Variants in RSRC1 observed in about 807,000 individuals in gnomAD.
The protein encoded by RSRC1 is arginine and serine rich coiled-coil 1, also known as serine/Arginine-related protein 53.
A neutral mutation model predicts 49.1 loss-of-function variants in RSRC1; 39 were observed. That is an observed-to-expected ratio of 0.79 (90% CI 0.61 to 1.04). The LOEUF (loss-of-function observed/expected upper bound fraction) is 1.04, where lower values mean the gene tolerates loss of function less well. RSRC1 is among the 50% of genes least tolerant of loss of function. The probability of loss-of-function intolerance (pLI) is 0.00; values close to 1 mark genes in which losing one functional copy is unlikely to be tolerated. For synonymous variants in RSRC1, 143 were observed against 130.8 expected (o/e 1.09, Z -0.63); for missense variants, 388 against 402.4 (o/e 0.96, Z 0.31).
intron 6 of RSRC1, among the ~76,000 whole-genome samples, chr3:158,424,717 T>C (rs1176018326): frequency 1.3e-5 from 2 of 152,064 alleles, no homozygotes; most frequent in Non-Finnish European, 2.9e-5. Flanking sequence ...CCTGGACCCT[T>C]TTTGGTGGGT....
chr3:158,454,451 G>T (rs551182992), intron 6 of RSRC1, among the ~76,000 whole-genome samples: 1 of 152,042 alleles, frequency 6.6e-6, no homozygotes, highest in South Asian at 2.1e-4. Flanking sequence ...TTTTTTGTAA[G>T]CCTCTTTACA....
In RSRC1 at chr3:158,232,026, T is replaced by G. The variant is rs551791376; in HGVS notation, c.494+28781T>G. Among the ~76,000 whole-genome samples the G allele has an allele frequency of 2.0e-5, 3 of 152,258 alleles. No individual in the cohort carries two copies. In the East Asian group the frequency reaches 5.8e-4, roughly 29 times the overall value. ...TTTTACCCATAGGCTAAAATGTCAC[T>G]TGTTGTTACTTTTTTTCTGTTTTAA... On this transcript the variant is annotated intron_variant, in intron 4 of 9. Transcript: ENST00000611884.
At chr3:158,197,330 G>T (rs941784718) in intron 3 of RSRC1, among the ~76,000 whole-genome samples, 1 of 152,164 alleles carries the variant, frequency 6.6e-6, no homozygotes, top group Admixed American at 6.5e-5. Flanking sequence ...TTGTATTTCT[G>T]TGGGATTGGT....
At chr3:158,459,911 G>T (rs1010134722) in intron 6 of RSRC1, among the ~76,000 whole-genome samples, 1 of 151,926 alleles carries the variant, frequency 6.6e-6, no homozygotes, top group Non-Finnish European at 1.5e-5. Flanking sequence ...AGTTTTGTGT[G>T]TGACATATAT....
At chr3:158,356,472 A>G (rs1218507368) in intron 6 of RSRC1, among the ~76,000 whole-genome samples, 5 of 152,068 alleles carry the variant, frequency 3.3e-5, no homozygotes, top group Non-Finnish European at 5.9e-5. Context: ...AAGATTGGCA[A>G]TGTTTTAGTT....
chr3:158,487,698 C>T (rs959346757), intron 7 of RSRC1, among the ~76,000 whole-genome samples: 1 of 151,980 alleles, frequency 6.6e-6, no homozygotes, highest in African/African-American at 2.4e-5. Context: ...ACCTGTCATC[C>T]CAGCACTTTG....
chr3:158,233,458 G>C (rs1205241020), intron 4 of RSRC1, among the ~76,000 whole-genome samples: 1 of 152,104 alleles, frequency 6.6e-6, no homozygotes, highest in African/African-American at 2.4e-5. Context: ...AGGAATCTGA[G>C]TTAATGAAAT....
intron 6 of RSRC1, among the ~76,000 whole-genome samples, chr3:158,390,816 T>G (rs1733241247): frequency 1.3e-5 from 2 of 152,186 alleles, no homozygotes; most frequent in Admixed American, 1.3e-4. Flanking sequence ...TTGTGCGCAT[T>G]GTAATTTTGG....
chr3:158,146,187 G>A (rs912248143), intron 3 of RSRC1, among the ~76,000 whole-genome samples: 28 of 152,270 alleles, frequency 1.8e-4, no homozygotes, highest in African/African-American at 6.7e-4. Context: ...TGGTGAGAGA[G>A]GGCCTCCCTG....
intron 6 of RSRC1, among the ~76,000 whole-genome samples, chr3:158,453,319 T>G (rs1737148368): frequency 6.6e-6 from 1 of 151,720 alleles, no homozygotes; most frequent in Non-Finnish European, 1.5e-5. Flanking sequence ...TGGGATTGCT[T>G]GATGCAGGGT....
chr3:158,398,201 G>T (rs1733709376), intron 6 of RSRC1, among the ~76,000 whole-genome samples: 1 of 152,154 alleles, frequency 6.6e-6, no homozygotes, highest in Non-Finnish European at 1.5e-5. Flanking sequence ...AGACTCTTCA[G>T]TGAGGAGTGT....
chr3:158,406,991 G>A (rs1329436137), intron 6 of RSRC1, among the ~76,000 whole-genome samples: 1 of 152,100 alleles, frequency 6.6e-6, no homozygotes, highest in African/African-American at 2.4e-5. Context: ...ACCCTACTGA[G>A]AGTATAAGGC....
intron 6 of RSRC1, among the ~76,000 whole-genome samples, chr3:158,367,397 G>A (rs1030204313): frequency 6.6e-5 from 10 of 152,286 alleles, no homozygotes; most frequent in African/African-American, 2.4e-4. Flanking sequence ...AAATAATCAT[G>A]TGGTTTTTGT....
At chr3:158,370,972 T>A (rs1732039782) in intron 6 of RSRC1, among the ~76,000 whole-genome samples, 1 of 151,886 alleles carries the variant, frequency 6.6e-6, no homozygotes, top group South Asian at 2.1e-4. Context: ...TCTGTTTAAT[T>A]TTTGCCATTT....
At position 158,150,063 on chromosome 3, in the gene RSRC1, C is replaced by CT. The variant is rs576874625; in HGVS notation, c.320+26078dup. Among the ~76,000 whole-genome samples the CT allele has an allele frequency of 1.2e-3, 190 of 152,206 alleles. 1 individual carries two copies. Among genetic ancestry groups the CT allele is most frequent in the Non-Finnish European group, 2.2e-3 (152 of 67,992 alleles). ...TTTTAAGGGTCTTCTCTTATGTAAACTTTTTTGTTCCAAAAGGTTTTTGGT... is the reference window on the plus strand; with the variant it reads ...TTTTAAGGGTCTTCTCTTATGTAAACTTTTTTTGTTCCAAAAGGTTTTTGGT... On this transcript the variant is annotated intron_variant, in intron 3 of 9. Transcript: ENST00000611884.
At chr3:158,178,391 A>G (rs1280050094) in intron 3 of RSRC1, among the ~76,000 whole-genome samples, 1 of 152,136 alleles carries the variant, frequency 6.6e-6, no homozygotes, top group Admixed American at 6.5e-5. Flanking sequence ...TGCCATCTTC[A>G]GCCTCCCAGA....
intron 5 of RSRC1, among the ~76,000 whole-genome samples, chr3:158,347,906 A>G (rs565017104): frequency 5.3e-5 from 8 of 152,076 alleles, no homozygotes; most frequent in Non-Finnish European, 1.0e-4. Context: ...TTTTGTGATT[A>G]CGTAGTAGGT....
chr3:158,390,159 G>C (rs1243238618), intron 6 of RSRC1, among the ~76,000 whole-genome samples: 2 of 152,172 alleles, frequency 1.3e-5, no homozygotes, highest in African/African-American at 2.4e-5. Flanking sequence ...TGAGGTGACT[G>C]TTGAGTGTTT....
chr3:158,220,205 A>G (rs577257286), intron 4 of RSRC1, among the ~76,000 whole-genome samples: 1 of 151,694 alleles, frequency 6.6e-6, no homozygotes. Flanking sequence ...AATCGTAGAT[A>G]GGGAAGTCAT....
Sources: allele counts gnomAD v4.1 joint callset (sites outside exome capture counted in the v4.1 genomes callset), GRCh38; gene constraint gnomAD v4.1.1; transcripts MANE v1.5; gene names NCBI Gene and HGNC (gene_info 2026-07-23, HGNC 2026-07-21).